Variants in COL12A1 observed in about 807,000 individuals in gnomAD.
The protein encoded by COL12A1 is collagen type XII alpha 1 chain, also known as collagen alpha-1(XII) chain.
COL12A1 carries 114 observed loss-of-function variants against 349.7 expected under a neutral mutation model. That is an observed-to-expected ratio of 0.33 (90% CI 0.28 to 0.38). COL12A1 has a LOEUF of 0.38. Ranked by LOEUF, COL12A1 falls within the 10% of genes least tolerant of loss-of-function variation. The pLI is 1.00. For missense variants in COL12A1, 3,284 were observed against 3,756.9 expected (o/e 0.87, Z 3.29); for synonymous variants, 1,369 against 1,329.0 (o/e 1.03, Z -0.66).
intron 47 of COL12A1, 60 bp from the exon 48 acceptor site, chr6:75,116,117 C>T: frequency 1.3e-6 from 2 of 1,492,254 alleles, no homozygotes; most frequent in Non-Finnish European, 1.9e-6. Context: ...ATTATATATG[C>T]ACAGAAAGTA....
chr6:75,104,483 C>T (rs1768448858), intron 54 of COL12A1, among the ~76,000 whole-genome samples: 1 of 152,130 alleles, frequency 6.6e-6, no homozygotes, highest in Non-Finnish European at 1.5e-5. Context: ...TTTTCATGTT[C>T]TGTGAATCCC....
chr6:75,193,704 C>T (rs1770070592), intron 3 of COL12A1, among the ~76,000 whole-genome samples: 1 of 152,030 alleles, frequency 6.6e-6, no homozygotes, highest in South Asian at 2.1e-4. Context: ...TTAGGTATAT[C>T]TCCTAATGCT....
In COL12A1 at chr6:75,175,321, A is replaced by G. The variant is rs759861565; in HGVS notation, c.2438-11T>C. The G allele has an allele frequency of 1.2e-6, 2 of 1,603,162 alleles. No individual in the cohort carries two copies. The highest frequency in any genetic ancestry group is 3.5e-5 in the Admixed American group (2 of 57,572). On this transcript the variant is annotated splice_polypyrimidine_tract_variant and intron_variant, in intron 12 of 65. Coordinates refer to ENST00000322507, the MANE Select transcript of COL12A1 (RefSeq NM_004370.6). Reference sequence around the variant, plus strand: ...TTGGATTCCCTCTAACTTCATTAAAAAATGACAACATCATCAAAACCCATT... The same window carrying G: ...TTGGATTCCCTCTAACTTCATTAAAGAATGACAACATCATCAAAACCCATT...
intron 37 of COL12A1, among the ~76,000 whole-genome samples, chr6:75,129,637 T>C (rs1766202542): frequency 6.6e-6 from 1 of 152,208 alleles, no homozygotes; most frequent in African/African-American, 2.4e-5. Flanking sequence ...CGCAAAATGT[T>C]AAGTTTAAAG....
chr6:75,105,345 T>A, intron 53 of COL12A1, 53 bp from the exon 54 acceptor site: 1 of 1,346,104 alleles, frequency 7.4e-7, no homozygotes, highest in Non-Finnish European at 1.1e-6. Flanking sequence ...AAAAATGACT[T>A]CCCATCCCCA....
chr6:75,121,224 A>C (rs552967453), intron 44 of COL12A1, 78 bp downstream of exon 44: 50 of 1,318,632 alleles, frequency 3.8e-5, no homozygotes, highest in Admixed American at 5.0e-5. Context: ...TATTGAAAAG[A>C]CTTTTTACTT....
chr6:75,089,456 C>A (rs1767654385), intron 63 of COL12A1, among the ~76,000 whole-genome samples: 1 of 152,094 alleles, frequency 6.6e-6, no homozygotes, highest in Non-Finnish European at 1.5e-5. Context: ...AACAGTAATC[C>A]TGAAGAAATT....
rs1582062395 is a variant in COL12A1, at chr6:75,109,077, T to C, written c.8041A>G (p.Thr2681Ala). 1.2e-6 allele frequency: 2 copies of C among 1,612,716 alleles called. No individual in the cohort carries two copies. The highest frequency in any genetic ancestry group is 4.5e-5 in the East Asian group (2 of 44,770). ...CCAAGAATTTCATAACCATCAGTTG[T>C]TATATTTCCAGCTTCCTTGATGTCT... ...EKDIKEAGNI[T>A]TDGYEILGKL... The change falls in exon 52 of 66, where the codon ACA (threonine) becomes GCA (alanine). Residue 2681 changes from threonine (T) to alanine (A), a missense_variant. By Grantham distance (58) the Thr-to-Ala change is moderately conservative. Coordinates refer to ENST00000322507, the MANE Select transcript of COL12A1 (RefSeq NM_004370.6).
chr6:75,095,139 T>G lies in COL12A1; in HGVS notation c.8618A>C (p.Lys2873Thr), dbSNP rs889305343. The change falls in exon 60 of 66, where the codon AAG (lysine) becomes ACG (threonine). Residue 2873 changes from lysine to threonine, a missense_variant. Lys to Thr is a moderately conservative substitution (Grantham distance 78). Around this residue, in one of 2 missense-constraint regions of COL12A1, gnomAD observed 683 missense variants for 932.1 expected, o/e 0.73. Transcript: ENST00000322507. ...GCCATGATCTCCAGGTTTTCCTGGC[T>G]TCCCACTTGGTCCTGTGACTCCTGG... is the stretch of plus-strand genomic sequence containing the variant. ...GSPGVTGPSG[K>T]PGKPGDHGRP... 2.5e-6 allele frequency: 4 copies of G among 1,614,176 alleles called. No homozygotes were observed. The highest frequency in any genetic ancestry group is 3.4e-6 in the Non-Finnish European group (4 of 1,180,024).
At chr6:75,171,827 T>G (rs1482131147) in intron 13 of COL12A1, among the ~76,000 whole-genome samples, 1 of 152,248 alleles carries the variant, frequency 6.6e-6, no homozygotes, top group Non-Finnish European at 1.5e-5. Flanking sequence ...TATTTTCATT[T>G]AGTCACAACT....
At chr6:75,201,549 CA>C in intron 2 of COL12A1, among the ~76,000 whole-genome samples, 1 of 151,992 alleles carries the variant, frequency 6.6e-6, no homozygotes, top group Non-Finnish European at 1.5e-5. Context: ...AAGCACACCT[CA>C]ACCCAGAACT....
intron 54 of COL12A1, among the ~76,000 whole-genome samples, chr6:75,104,535 C>T (rs1768452856): frequency 6.6e-6 from 1 of 152,124 alleles, no homozygotes; most frequent in Non-Finnish European, 1.5e-5. Context: ...TTAAAAGAAG[C>T]CAAGGGAGAT....
intron 43 of COL12A1, among the ~76,000 whole-genome samples, chr6:75,122,415 G>A (rs1765788889): frequency 6.6e-6 from 1 of 152,110 alleles, no homozygotes; most frequent in Admixed American, 6.6e-5. Flanking sequence ...GAGGAGGCTG[G>A]GCATGTGTGG....
chr6:75,148,165 G>C (rs1420980032), intron 22 of COL12A1, among the ~76,000 whole-genome samples, 193 bp downstream of exon 22: 1 of 152,002 alleles, frequency 6.6e-6, no homozygotes, highest in Non-Finnish European at 1.5e-5. Flanking sequence ...TTTAAGCAAA[G>C]CTCTTTCCCT....
intron 5 of COL12A1, 65 bp from the exon 6 acceptor site, chr6:75,189,880 C>T: frequency 6.5e-7 from 1 of 1,545,124 alleles, no homozygotes; most frequent in South Asian, 1.2e-5. Context: ...TACATGTTAA[C>T]ATTGCAAAAA....
At chr6:75,109,189 AT>A in intron 51 of COL12A1, 22 bp from the exon 52 acceptor site, 1 of 1,524,976 alleles carries the variant, frequency 6.6e-7, no homozygotes. Flanking sequence ...ATTTGTTTCC[AT>A]TATAAAATTT....
intron 7 of COL12A1, 35 bp from the exon 8 acceptor site, chr6:75,188,570 G>A (rs373259826): frequency 6.2e-5 from 99 of 1,597,566 alleles, no homozygotes; most frequent in Non-Finnish European, 7.9e-5. Flanking sequence ...TATTGAAATG[G>A]GAAATGTGCC....
At position 75,147,748 on chromosome 6, in the gene COL12A1, A is replaced by G; in HGVS notation, c.4344T>C (p.Thr1448=). ...CAGAATACACATTGACAACATATTC[A>G]GTTTCAGGTTTCAGATCTTTCAGCA... ...STVLKDLKPE[T]EYVVNVYSVV... Residue 1448 remains threonine, a synonymous_variant, in exon 23 of 66, where the codon ACT becomes ACC. Transcript: ENST00000322507. The G allele has an allele frequency of 6.2e-7, 1 of 1,613,608 alleles. No homozygotes were observed.
rs367774920 is a variant in COL12A1 at position 75,155,734 on chromosome 6, G to A, written c.3371C>T (p.Thr1124Met). 26 of 1,613,216 alleles carry A rather than the reference G, an allele frequency of 1.6e-5. No individual in the cohort carries two copies. The highest frequency in any genetic ancestry group is 9.3e-5 in the African/African-American group (7 of 74,928). The change falls in exon 16 of 66, where the codon ACG becomes ATG. Residue 1124 changes from threonine (T) to methionine (M), a missense_variant. Physicochemically the swap from Thr to Met is moderately conservative, Grantham distance 81 (BLOSUM62 -1). This residue lies in a region of COL12A1 where 2,601 missense variants were observed against 2,824.8 expected (regional missense o/e 0.92). Transcript: ENST00000322507. ...VKGYKVTFHPTGDDRRLGELV... is the reference protein window; with the variant it reads ...VKGYKVTFHPMGDDRRLGELV... ...CTCCCCCAGTCTTCTGTCATCCCCC[G>A]TAGGGTGGAATGTGACTTTATAACC...
Sources: gnomAD v4.1 joint callset for allele counts (sites outside exome capture counted in the v4.1 genomes callset) on GRCh38, gnomAD v4.1.1 for gene constraint, gnomAD v4.1.1 regional missense constraint, MANE v1.5 for transcripts, NCBI Gene and HGNC (gene_info 2026-07-23, HGNC 2026-07-21) for gene names.